Variants in TARBP1 observed in about 807,000 individuals in gnomAD.
The protein encoded by TARBP1 is tRNA (guanosine(18)-2'-O)-methyltransferase TARBP1.
In TARBP1, 144 loss-of-function variants were observed where a neutral mutation model predicts 178.6. The observed-to-expected ratio is 0.81, with a 90% CI of 0.70 to 0.93. The LOEUF (loss-of-function observed/expected upper bound fraction) is 0.93. Ranked by LOEUF, TARBP1 falls within the 40% of genes least tolerant of loss-of-function variation. The probability of loss-of-function intolerance (pLI) is 0.00; values close to 1 mark genes in which losing one functional copy is unlikely to be tolerated. For missense variants in TARBP1, 2,067 were observed against 2,011.7 expected (o/e 1.03, Z -0.53); for synonymous variants, 787 against 781.0 (o/e 1.01, Z -0.13).
chr1:234,445,501 A>C (rs144473819), intron 12 of TARBP1, among the ~76,000 whole-genome samples: 1 of 152,302 alleles, frequency 6.6e-6, no homozygotes, highest in African/African-American at 2.4e-5. Context: ...GGTGAAGGAT[A>C]CGTCTATGGC....
chr1:234,409,362 C>T (rs1661574585), intron 23 of TARBP1, among the ~76,000 whole-genome samples: 1 of 152,228 alleles, frequency 6.6e-6, no homozygotes, highest in Non-Finnish European at 1.5e-5. Context: ...TTTGTCTAAA[C>T]TATTCTTAGG....
rs1454593522 is a variant in TARBP1 at position 234,391,412 on chromosome 1, A to T, written c.*165T>A. The T allele has an allele frequency of 5.9e-6, 3 of 506,580 alleles. No homozygotes were observed. In the Admixed American group the frequency reaches 1.2e-4, roughly 21 times the overall value. 31.4% of individuals were successfully genotyped at this position (506,580 alleles called of 1,614,324 possible). A position where few individuals can be genotyped will look rare whatever the true frequency, so the allele number is the denominator to read the frequency against. On this transcript the variant is annotated 3_prime_UTR_variant, in exon 30 of 30. Transcript: ENST00000040877. ...ACAAAAAGTGTTTATTAAAGGGGAA[A>T]ATATATAGTAATATGTTTAAGGCAC...
chr1:234,460,419 A>G (rs567521166), intron 6 of TARBP1, 23 bp from the exon 7 acceptor site: 15 of 1,612,486 alleles, frequency 9.3e-6, no homozygotes, highest in Non-Finnish European at 1.1e-5. Context: ...GTTTTAAATT[A>G]TCATTGTTGC....
At chr1:234,436,275 G>A (rs999874397) in intron 13 of TARBP1, among the ~76,000 whole-genome samples, 8 of 152,084 alleles carry the variant, frequency 5.3e-5, no homozygotes, top group African/African-American at 1.9e-4. Context: ...AAATAATACT[G>A]AGGATAAAAA....
chr1:234,448,347 C>A, intron 11 of TARBP1, 133 bp downstream of exon 11: 1 of 673,968 alleles, frequency 1.5e-6, no homozygotes, highest in South Asian at 1.9e-5. Flanking sequence ...CTTCAGTATA[C>A]TGTTAATGTT....
At chr1:234,463,326 G>T (rs1668095106) in intron 6 of TARBP1, among the ~76,000 whole-genome samples, 3 of 152,262 alleles carry the variant, frequency 2.0e-5, no homozygotes, top group African/African-American at 4.8e-5. Flanking sequence ...GTTTCGCTGT[G>T]TTGGCCAGGT....
chr1:234,477,840 G>A (rs1669709524), intron 1 of TARBP1, among the ~76,000 whole-genome samples: 1 of 152,120 alleles, frequency 6.6e-6, no homozygotes, highest in Non-Finnish European at 1.5e-5. Context: ...GATATCAACC[G>A]TTTCTATTGG....
At chr1:234,449,168 C>T (rs1205335379) in intron 10 of TARBP1, among the ~76,000 whole-genome samples, 2 of 152,194 alleles carry the variant, frequency 1.3e-5, no homozygotes, top group Admixed American at 1.3e-4. Context: ...GCAGCAAAAA[C>T]TGAAGTGGCA....
intron 4 of TARBP1, among the ~76,000 whole-genome samples, chr1:234,466,303 G>C (rs1484070969): frequency 6.6e-6 from 1 of 152,140 alleles, no homozygotes; most frequent in Non-Finnish European, 1.5e-5. Flanking sequence ...CTTGAGGCCA[G>C]GATTTTGAGA....
Position 234,433,422 on chromosome 1 carries a change from C to T in TARBP1, c.2382G>A (p.Met794Ile). 1.9e-6 allele frequency: 3 copies of T among 1,613,838 alleles called. No homozygotes were observed. Among genetic ancestry groups the T allele is most frequent in the Non-Finnish European group, 2.5e-6 (3 of 1,179,974 alleles). The change falls in exon 14 of 30, where the codon ATG becomes ATA. Residue 794 changes from methionine to isoleucine, a missense_variant. Met to Ile is a conservative substitution (Grantham distance 10). Coordinates refer to ENST00000040877, the MANE Select transcript of TARBP1 (RefSeq NM_005646.4). ...KNASIQHLQE[M>I]DSGQEPTVGS... is the part of the protein sequence containing the mutation. ...CAAAGAGGCTTACCTGTCCACTGTC[C>T]ATCTCTTGAAGATGCTGAATGGATG...
intron 9 of TARBP1, among the ~76,000 whole-genome samples, chr1:234,453,289 G>A (rs1441602394): frequency 6.6e-6 from 1 of 151,206 alleles, no homozygotes; most frequent in African/African-American, 2.4e-5. Flanking sequence ...AGGAAGAGTG[G>A]TGTGGGAGTA....
At chr1:234,478,103 G>A in intron 1 of TARBP1, 70 bp downstream of exon 1, 1 of 1,483,504 alleles carries the variant, frequency 6.7e-7, no homozygotes, top group Non-Finnish European at 9.2e-7. Flanking sequence ...CTAGTTTTTA[G>A]AAGCAGGAAG....
At chr1:234,425,916 T>A in intron 19 of TARBP1, 123 bp from the exon 20 acceptor site, 5 of 700,782 alleles carry the variant, frequency 7.1e-6, no homozygotes, top group Non-Finnish European at 1.2e-5. Flanking sequence ...ATTAAGTAGG[T>A]CCATACTTAA....
At chr1:234,409,745 A>G (rs1193256395) in intron 23 of TARBP1, among the ~76,000 whole-genome samples, 2 of 152,244 alleles carry the variant, frequency 1.3e-5, no homozygotes, top group Non-Finnish European at 2.9e-5. Flanking sequence ...TTTTTATGGT[A>G]CTTTCAACAC....
At chr1:234,426,206 G>A (rs894474312) in intron 19 of TARBP1, among the ~76,000 whole-genome samples, 7 of 152,104 alleles carry the variant, frequency 4.6e-5, no homozygotes, top group Admixed American at 6.5e-5. Context: ...ATGCACTATC[G>A]GTGCACATTC....
Position 234,430,101 on chromosome 1 carries a change from G to A in TARBP1, c.2595C>T (p.Pro865=), listed in dbSNP as rs1664264287. 6.2e-7 allele frequency: 1 copy of A among 1,612,554 alleles called. No individual in the cohort carries two copies. Among genetic ancestry groups the A allele is most frequent in the Non-Finnish European group, 8.5e-7 (1 of 1,178,712 alleles). The change falls in exon 15 of 30, where the codon CCC becomes CCT. Residue 865 remains proline (P), a synonymous_variant. Coordinates refer to ENST00000040877, the MANE Select transcript of TARBP1 (RefSeq NM_005646.4). ...CTTCCCTGTACCTGCTGCACTCCAA[G>A]GGGTGAGCATAACTGCTCTGCTCCT... ...HAEEQSSYAH[P]LECSSVLEES...
rs1430097110 is a variant in TARBP1, at chr1:234,471,251, C to T, written c.1036G>A (p.Val346Ile). Reference protein sequence around the residue: ...METLEGNQIHVIKPVLPKLNN... With the variant: ...METLEGNQIHIIKPVLPKLNN... ...AGCTTTGGTAAAACTGGCTTTATAA[C>T]ATGTATCTAAAAATAAGAGCAAAAA... Residue 346 changes from valine to isoleucine, a missense_variant, in exon 3 of 30, where the codon GTT (valine) becomes ATT (isoleucine). Transcript: ENST00000040877. 6.3e-7 allele frequency: 1 copy of T among 1,586,692 alleles called. No homozygotes were observed. Among genetic ancestry groups the T allele is most frequent in the African/African-American group, 1.4e-5 (1 of 73,512 alleles).
chr1:234,445,000 AC>A (rs1479105520), intron 12 of TARBP1, among the ~76,000 whole-genome samples: 1 of 152,172 alleles, frequency 6.6e-6, no homozygotes, highest in African/African-American at 2.4e-5. Context: ...CTGCTGCTCT[AC>A]ATAAAAAACT....
At chr1:234,406,296 AAC>A (rs1239391207) in intron 23 of TARBP1, 197 bp from the exon 24 acceptor site, 1 of 573,570 alleles carries the variant, frequency 1.7e-6, no homozygotes, top group East Asian at 2.8e-5. Context: ...CTCAAGGAAA[AAC>A]ACATTCTCCC....
Sources: allele counts gnomAD v4.1 joint callset (sites outside exome capture counted in the v4.1 genomes callset), GRCh38; gene constraint gnomAD v4.1.1; transcripts MANE v1.5; gene names NCBI Gene and HGNC (gene_info 2026-07-23, HGNC 2026-07-21).